NEDD4L: variants seen among roughly 807,000 people sequenced by gnomAD.
NEDD4L encodes E3 ubiquitin-protein ligase NEDD4-like.
Under a neutral mutation model 148.9 loss-of-function variants are expected in NEDD4L, and 54 were observed. The observed-to-expected ratio is 0.36, with a 90% CI of 0.29 to 0.45. The LOEUF is 0.45. Ranked by LOEUF, NEDD4L falls within the 20% of genes least tolerant of loss-of-function variation. NEDD4L has a pLI of 1.00. For missense variants in NEDD4L, 856 were observed against 1,233.8 expected (o/e 0.69, Z 4.59); for synonymous variants, 433 against 440.7 (o/e 0.98, Z 0.22).
At chr18:58,195,829 C>T (rs968056725) in intron 2 of NEDD4L, 3 of 728,886 alleles carry the variant, frequency 4.1e-6, no homozygotes, top group African/African-American at 3.6e-5. Context: ...TAGCTTTAAC[C>T]CAAATGTGCA....
intron 2 of NEDD4L, among the ~76,000 whole-genome samples, chr18:58,208,145 A>C (rs2042159431): frequency 6.6e-6 from 1 of 152,228 alleles, no homozygotes; most frequent in African/African-American, 2.4e-5. Flanking sequence ...ATGGGGGTTT[A>C]ATATAATAGT....
chr18:58,137,969 TA>T (rs2033042387), intron 1 of NEDD4L, among the ~76,000 whole-genome samples: 1 of 152,202 alleles, frequency 6.6e-6, no homozygotes, highest in African/African-American at 2.4e-5. Context: ...GTATAAGGCC[TA>T]TCCATGTTCC....
chr18:58,110,887 A>T (rs2085377437), intron 1 of NEDD4L, among the ~76,000 whole-genome samples: 1 of 152,164 alleles, frequency 6.6e-6, no homozygotes, highest in Non-Finnish European at 1.5e-5. Context: ...TGCTGTTACC[A>T]TTATCCTTTT....
intron 17 of NEDD4L, among the ~76,000 whole-genome samples, chr18:58,350,280 A>C (rs945073956): frequency 2.6e-5 from 4 of 152,208 alleles, no homozygotes; most frequent in African/African-American, 7.2e-5. Flanking sequence ...CTGGTATATT[A>C]GGGCAACATT....
At chr18:58,282,430 G>C (rs1376056600) in intron 5 of NEDD4L, among the ~76,000 whole-genome samples, 1 of 152,134 alleles carries the variant, frequency 6.6e-6, no homozygotes, top group African/African-American at 2.4e-5. Flanking sequence ...TGCAGTAATT[G>C]ATTGCAAAAC....
chr18:58,095,022 A>G (rs547245881), intron 1 of NEDD4L, among the ~76,000 whole-genome samples: 1 of 152,052 alleles, frequency 6.6e-6, no homozygotes, highest in African/African-American at 2.4e-5. Flanking sequence ...CGATCTAGAT[A>G]TGTGTCTGAG....
chr18:58,097,130 A>C (rs1755161870), intron 1 of NEDD4L, among the ~76,000 whole-genome samples: 1 of 152,214 alleles, frequency 6.6e-6, no homozygotes, highest in African/African-American at 2.4e-5. Context: ...GAATGCACGA[A>C]GATTGTTTTG....
chr18:58,058,314 G>A (rs949991528), intron 1 of NEDD4L, among the ~76,000 whole-genome samples: 2 of 152,068 alleles, frequency 1.3e-5, no homozygotes, highest in South Asian at 4.2e-4. Flanking sequence ...CAAAAAGGTG[G>A]TAAAATACAC....
intron 2 of NEDD4L, among the ~76,000 whole-genome samples, chr18:58,234,116 C>CTT (rs766002052): frequency 8.4e-6 from 1 of 119,002 alleles, no homozygotes; most frequent in Admixed American, 8.6e-5. Context: ...CTTTTCTTTT[C>CTT]TTTTCCTTCT....
At chr18:58,096,640 C>T (rs766280839) in intron 1 of NEDD4L, among the ~76,000 whole-genome samples, 2 of 151,858 alleles carry the variant, frequency 1.3e-5, no homozygotes, top group South Asian at 4.2e-4. Context: ...AGATGATCCA[C>T]CCACCTTAGC....
intron 1 of NEDD4L, among the ~76,000 whole-genome samples, chr18:58,073,390 T>G (rs139369108): frequency 0.016 from 2,502 of 152,302 alleles, 37 homozygotes; most frequent in South Asian, 0.049. Context: ...TACTACTGTG[T>G]GGACAGCCAT....
intron 19 of NEDD4L, among the ~76,000 whole-genome samples, chr18:58,363,021 A>C (rs2045673714): frequency 6.6e-6 from 1 of 152,232 alleles, no homozygotes; most frequent in East Asian, 1.9e-4. Context: ...ATCAAAGAAG[A>C]CTGGCTTAAA....
chr18:58,250,872 T>C (rs762402963), intron 4 of NEDD4L, among the ~76,000 whole-genome samples: 1 of 152,118 alleles, frequency 6.6e-6, no homozygotes, highest in Non-Finnish European at 1.5e-5. Flanking sequence ...ACACATGTGG[T>C]TGGTGCTTAG....
intron 5 of NEDD4L, among the ~76,000 whole-genome samples, chr18:58,301,254 C>T (rs139762129): frequency 6.6e-6 from 1 of 152,312 alleles, no homozygotes; most frequent in African/African-American, 2.4e-5. Flanking sequence ...CATTGCTATT[C>T]ACTGACCCCT....
At chr18:58,103,810 A>T (rs1308456199) in intron 1 of NEDD4L, among the ~76,000 whole-genome samples, 1 of 152,256 alleles carries the variant, frequency 6.6e-6, no homozygotes, top group African/African-American at 2.4e-5. Flanking sequence ...CTGCCTGCGC[A>T]GCCCGAGGAG....
At chr18:58,072,093 T>C (rs1003565470) in intron 1 of NEDD4L, among the ~76,000 whole-genome samples, 1 of 152,190 alleles carries the variant, frequency 6.6e-6, no homozygotes, top group East Asian at 1.9e-4. Context: ...TTTGAAAATC[T>C]GAATAGGCCA....
At chr18:58,319,536 C>T (rs2058591289) in intron 6 of NEDD4L, among the ~76,000 whole-genome samples, 1 of 152,164 alleles carries the variant, frequency 6.6e-6, no homozygotes. Flanking sequence ...GGAACGGGGG[C>T]AGCATTGTGG....
chr18:58,226,210 C>T (rs940868871), intron 2 of NEDD4L, among the ~76,000 whole-genome samples: 1 of 152,100 alleles, frequency 6.6e-6, no homozygotes, highest in Non-Finnish European at 1.5e-5. Context: ...TAGGAATATC[C>T]ACGCCTATGG....
intron 1 of NEDD4L, among the ~76,000 whole-genome samples, chr18:58,147,661 G>A (rs530232326): frequency 7.9e-5 from 12 of 152,208 alleles, no homozygotes; most frequent in South Asian, 6.2e-4. Flanking sequence ...CGAAGTACAC[G>A]CGAGTTCAGT....
Sources: allele counts gnomAD v4.1 joint callset (sites outside exome capture counted in the v4.1 genomes callset), GRCh38; gene constraint gnomAD v4.1.1; transcripts MANE v1.5; gene names NCBI Gene and HGNC (gene_info 2026-07-23, HGNC 2026-07-21).